FHIT: variants seen among roughly 807,000 people sequenced by gnomAD.
FHIT encodes bis(5'-adenosyl)-triphosphatase.
A neutral mutation model predicts 17.9 loss-of-function variants in FHIT; 19 were observed. That is an observed-to-expected ratio of 1.06 (90% CI 0.74 to 1.56). The LOEUF (loss-of-function observed/expected upper bound fraction) is 1.56. FHIT is among the 40% of genes most tolerant of loss of function. FHIT has a pLI of 0.00. For missense variants in FHIT, 248 were observed against 189.2 expected (o/e 1.31, Z -1.82); for synonymous variants, 81 against 69.7 (o/e 1.16, Z -0.81).
At chr3:60,619,380 T>C (rs1553677380) in intron 4 of FHIT, among the ~76,000 whole-genome samples, 2 of 151,988 alleles carry the variant, frequency 1.3e-5, no homozygotes, top group South Asian at 2.1e-4. Flanking sequence ...TTCTAAAGTG[T>C]ACATGGAAAA....
At chr3:60,441,344 A>G (rs2107329300) in intron 5 of FHIT, among the ~76,000 whole-genome samples, 1 of 152,162 alleles carries the variant, frequency 6.6e-6, no homozygotes, top group East Asian at 1.9e-4. Flanking sequence ...TCTAGCAATA[A>G]ATATATTATT....
At chr3:60,475,724 CAATATCTGA>C (rs1419774554) in intron 5 of FHIT, among the ~76,000 whole-genome samples, 1 of 152,182 alleles carries the variant, frequency 6.6e-6, no homozygotes, top group Non-Finnish European at 1.5e-5. Context: ...ACCAAATACC[CAATATCTGA>C]AATGCTCCCA....
rs915716384 is a variant in FHIT, at chr3:60,775,462, A to G, written c.-18+46457T>C. 5.3e-5 allele frequency among the ~76,000 whole-genome samples: 8 copies of G among 152,228 alleles called. No individual in the cohort carries two copies. The East Asian group carries it at 1.6e-3, about 30-fold the overall frequency. ...AGCTGTGGGCGGGAAGTGCTCTATC[A>G]GGGACTCAAGCCTTGGGAGACTCCC... On this transcript the variant is annotated intron_variant, in intron 4 of 9. Transcript: ENST00000492590.
At chr3:60,282,988 A>G (rs1461021380) in intron 5 of FHIT, among the ~76,000 whole-genome samples, 1 of 152,104 alleles carries the variant, frequency 6.6e-6, no homozygotes, top group Admixed American at 6.6e-5. Flanking sequence ...CTTAAACTGG[A>G]AAGACTAGAG....
intron 5 of FHIT, among the ~76,000 whole-genome samples, chr3:60,297,580 A>G (rs1214716752): frequency 1.3e-5 from 2 of 151,824 alleles, no homozygotes; most frequent in African/African-American, 2.4e-5. Flanking sequence ...CACCTGCAAA[A>G]AAAAGGCTAG....
At chr3:60,718,252 C>A (rs60433540) in intron 4 of FHIT, among the ~76,000 whole-genome samples, 2 of 152,218 alleles carry the variant, frequency 1.3e-5, no homozygotes, top group Non-Finnish European at 2.9e-5. Flanking sequence ...AAAAACCATT[C>A]GAAGTTTCAT....
At chr3:60,471,789 G>A (rs2033100877) in intron 5 of FHIT, among the ~76,000 whole-genome samples, 1 of 152,058 alleles carries the variant, frequency 6.6e-6, no homozygotes, top group African/African-American at 2.4e-5. Flanking sequence ...TGGCCATCTT[G>A]CTCTGTCTTC....
At chr3:59,882,281 A>C (rs1416869235) in intron 8 of FHIT, among the ~76,000 whole-genome samples, 8 of 152,214 alleles carry the variant, frequency 5.3e-5, no homozygotes, top group African/African-American at 9.6e-5. Flanking sequence ...GGAAGTATAA[A>C]GTTAATATCG....
Position 60,324,573 on chromosome 3 carries a change from G to GGAAAAAA in FHIT, c.103+212286_103+212287insTTTTTTC, listed in dbSNP as rs757433390. On this transcript the variant is annotated intron_variant, in intron 5 of 9. Coordinates refer to ENST00000492590, the MANE Select transcript of FHIT (RefSeq NM_002012.4). Reference sequence around the variant, plus strand: ...TGGGTGACAGAGCGAGACTCCATCAGAAAAAAAAAAAAAAGAATTCCAGTT... The same window carrying GGAAAAAA: ...TGGGTGACAGAGCGAGACTCCATCAGGAAAAAAAAAAAAAAAAAAAAGAATTCCAGTT... Among the ~76,000 whole-genome samples, 1,268 of 128,816 alleles carry GGAAAAAA rather than the reference G, an allele frequency of 9.8e-3. 44 individuals carry two copies. The highest frequency in any genetic ancestry group is 0.034 in the African/African-American group (1,140 of 33,802). The allele number at this position is 128,816 out of a possible 152,430, so 84.5% of individuals were successfully genotyped here.
At chr3:61,052,569 A>G (rs571393419) in intron 2 of FHIT, among the ~76,000 whole-genome samples, 2 of 152,358 alleles carry the variant, frequency 1.3e-5, no homozygotes, top group Non-Finnish European at 2.9e-5. Context: ...ATGAAAATGA[A>G]TCACTGGGGA....
At chr3:60,657,719 C>T (rs2040151043) in intron 4 of FHIT, among the ~76,000 whole-genome samples, 1 of 152,096 alleles carries the variant, frequency 6.6e-6, no homozygotes, top group Non-Finnish European at 1.5e-5. Context: ...CAAGAATCCT[C>T]TTAGACTGGT....
intron 4 of FHIT, among the ~76,000 whole-genome samples, chr3:60,737,713 T>C (rs2042161671): frequency 6.6e-6 from 1 of 152,108 alleles, no homozygotes; most frequent in Non-Finnish European, 1.5e-5. Flanking sequence ...CATATCTCTG[T>C]GAAACCTTAA....
intron 5 of FHIT, among the ~76,000 whole-genome samples, chr3:60,108,426 G>C (rs978315731): frequency 6.6e-6 from 1 of 152,060 alleles, no homozygotes; most frequent in African/African-American, 2.4e-5. Context: ...CAGTTTTTCT[G>C]TGTATTCATT....
chr3:60,164,323 A>T (rs1449307749), intron 5 of FHIT, among the ~76,000 whole-genome samples: 4 of 152,158 alleles, frequency 2.6e-5, no homozygotes, highest in Admixed American at 6.5e-5. Flanking sequence ...AAATGGCAGC[A>T]GGGCCCTAAT....
At chr3:60,307,883 C>T (rs994212218) in intron 5 of FHIT, among the ~76,000 whole-genome samples, 1 of 151,998 alleles carries the variant, frequency 6.6e-6, no homozygotes, top group Non-Finnish European at 1.5e-5. Context: ...TGGTTCGGCA[C>T]ACACGTGTAC....
intron 7 of FHIT, among the ~76,000 whole-genome samples, chr3:59,974,728 T>C (rs560270107): frequency 8.5e-5 from 13 of 152,236 alleles, no homozygotes; most frequent in Admixed American, 8.5e-4. Context: ...AAACTCACAC[T>C]ATAAGCTGAA....
At chr3:60,884,498 A>T (rs1705123686) in intron 3 of FHIT, among the ~76,000 whole-genome samples, 3 of 152,146 alleles carry the variant, frequency 2.0e-5, no homozygotes, top group Non-Finnish European at 4.4e-5. Flanking sequence ...AGATAAAGAA[A>T]ATGTGGTATA....
chr3:60,221,304 C>T (rs2107533649), intron 5 of FHIT, among the ~76,000 whole-genome samples: 1 of 152,176 alleles, frequency 6.6e-6, no homozygotes, highest in South Asian at 2.1e-4. Flanking sequence ...AGCAGAACAA[C>T]TCATAATAGT....
At chr3:60,153,920 G>A (rs1700573801) in intron 5 of FHIT, among the ~76,000 whole-genome samples, 1 of 152,126 alleles carries the variant, frequency 6.6e-6, no homozygotes, top group African/African-American at 2.4e-5. Context: ...CACTGCTTTT[G>A]TTCTTTAGAG....
Sources: gnomAD v4.1 joint callset for allele counts (sites outside exome capture counted in the v4.1 genomes callset) on GRCh38, gnomAD v4.1.1 for gene constraint, MANE v1.5 for transcripts, NCBI Gene and HGNC (gene_info 2026-07-23, HGNC 2026-07-21) for gene names.